ASTN2: variants seen among roughly 807,000 people sequenced by gnomAD.
ASTN2 encodes astrotactin-2.
A neutral mutation model predicts 139.8 loss-of-function variants in ASTN2; 54 were observed. The ratio of observed to expected loss-of-function variants is 0.39; its 90% CI spans 0.31 to 0.48. The LOEUF is 0.48. ASTN2 is among the 20% of genes least tolerant of loss of function. ASTN2 has a pLI of 0.95. For synonymous variants in ASTN2, 756 were observed against 719.5 expected (o/e 1.05, Z -0.81); for missense variants, 1,565 against 1,725.1 (o/e 0.91, Z 1.64).
chr9:117,311,809 T>C (rs539435823), intron 1 of ASTN2, among the ~76,000 whole-genome samples: 2 of 152,304 alleles, frequency 1.3e-5, no homozygotes, highest in Admixed American at 1.3e-4. Context: ...CCACAGTAGA[T>C]GCTCATGAAT....
intron 2 of ASTN2, among the ~76,000 whole-genome samples, chr9:117,242,354 GA>G (rs1833240806): frequency 6.6e-6 from 1 of 151,968 alleles, no homozygotes. Context: ...GGATATAATT[GA>G]GTTTCTCCCT....
chr9:117,298,745 T>TAC (rs1834804332), intron 1 of ASTN2, among the ~76,000 whole-genome samples: 3 of 149,138 alleles, frequency 2.0e-5, no homozygotes, highest in African/African-American at 7.4e-5. Flanking sequence ...TATATATATA[T>TAC]CTTAAAATAG....
In ASTN2 at chr9:117,414,456, G is replaced by A. The variant is rs1564192103; in HGVS notation, c.442+41C>T. ...CCGTCCGGCATGACGCAGGGGCTCG[G>A]GGTTCCTTGGGATCTAGCGCGTGCC... On this transcript the variant is annotated intron_variant, in intron 1 of 22. Coordinates refer to ENST00000313400, the MANE Select transcript of ASTN2 (RefSeq NM_001365068.1). The surrounding 1 kb of genome is among the most constrained non-coding windows in gnomAD (Gnocchi z 4.2). The A allele has an allele frequency of 6.2e-7, 1 of 1,601,816 alleles. No homozygotes were observed. Among genetic ancestry groups the A allele is most frequent in the East Asian group, 2.3e-5 (1 of 43,496 alleles).
At chr9:116,607,429 T>C (rs901147700) in intron 19 of ASTN2, among the ~76,000 whole-genome samples, 1 of 152,130 alleles carries the variant, frequency 6.6e-6, no homozygotes, top group African/African-American at 2.4e-5. Context: ...GACAGAAGCA[T>C]GTATGTCACT....
At chr9:116,483,189 C>T (rs1480039717) in intron 20 of ASTN2, among the ~76,000 whole-genome samples, 2 of 152,250 alleles carry the variant, frequency 1.3e-5, no homozygotes, top group African/African-American at 4.8e-5. Flanking sequence ...GCCCTGCTGT[C>T]AGACCTTCCT....
intron 3 of ASTN2, among the ~76,000 whole-genome samples, chr9:117,168,107 T>C (rs1830710909): frequency 1.3e-5 from 2 of 152,056 alleles, no homozygotes; most frequent in African/African-American, 2.4e-5. Flanking sequence ...CTTTCTCCAT[T>C]GCAGAGTTGC....
chr9:116,669,410 T>G (rs2131982702), intron 16 of ASTN2, among the ~76,000 whole-genome samples: 1 of 152,172 alleles, frequency 6.6e-6, no homozygotes, highest in South Asian at 2.1e-4. Context: ...AACAAAACAG[T>G]ACATTTAGGT....
chr9:116,540,742 G>A (rs1027676509), intron 19 of ASTN2: 4 of 152,184 alleles, frequency 2.6e-5, no homozygotes, highest in Non-Finnish European at 5.9e-5. Context: ...TCCAACAGGT[G>A]AATTTAGTGG....
At chr9:117,190,072 A>T (rs1171919989) in intron 3 of ASTN2, among the ~76,000 whole-genome samples, 1 of 151,942 alleles carries the variant, frequency 6.6e-6, no homozygotes, top group African/African-American at 2.4e-5. Context: ...GGAAGGAGGG[A>T]GAATTTAGGT....
intron 19 of ASTN2, among the ~76,000 whole-genome samples, chr9:116,574,353 G>T (rs1465337559): frequency 6.6e-6 from 1 of 152,160 alleles, no homozygotes; most frequent in Non-Finnish European, 1.5e-5. Flanking sequence ...TTGGCTACAG[G>T]AATCACTTTT....
intron 19 of ASTN2, among the ~76,000 whole-genome samples, chr9:116,615,814 T>G (rs889261224): frequency 1.3e-5 from 2 of 151,978 alleles, no homozygotes; most frequent in Non-Finnish European, 2.9e-5. Flanking sequence ...ACATGGCACA[T>G]GTATACATAT....
At chr9:117,182,825 G>C (rs1012593070) in intron 3 of ASTN2, among the ~76,000 whole-genome samples, 2 of 151,994 alleles carry the variant, frequency 1.3e-5, no homozygotes, top group Non-Finnish European at 2.9e-5. Flanking sequence ...CTTCCTCACT[G>C]TGTTTGAGCC....
At chr9:116,892,137 T>C (rs1833776895) in intron 10 of ASTN2, among the ~76,000 whole-genome samples, 2 of 152,232 alleles carry the variant, frequency 1.3e-5, no homozygotes, top group African/African-American at 4.8e-5. Context: ...TTTACTACTT[T>C]AGTAATAGTG....
chr9:116,581,100 T>C (rs570927284), intron 19 of ASTN2, among the ~76,000 whole-genome samples: 55 of 152,202 alleles, frequency 3.6e-4, no homozygotes, highest in Non-Finnish European at 6.3e-4. Context: ...GAGTTTCAAG[T>C]TCTGGTTGAC....
intron 19 of ASTN2, among the ~76,000 whole-genome samples, chr9:116,527,447 G>A (rs1473208425): frequency 2.0e-5 from 3 of 152,102 alleles, no homozygotes. Flanking sequence ...CTAACCACCA[G>A]ATAAATGAAA....
intron 2 of ASTN2, among the ~76,000 whole-genome samples, chr9:117,240,072 T>C (rs191663159): frequency 6.6e-6 from 1 of 152,326 alleles, no homozygotes; most frequent in African/African-American, 2.4e-5. Context: ...AATTTAGAAG[T>C]CAACCATAGT....
At chr9:116,717,167 T>A (rs952557063) in intron 16 of ASTN2, among the ~76,000 whole-genome samples, 1 of 152,230 alleles carries the variant, frequency 6.6e-6, no homozygotes, top group Admixed American at 6.5e-5. Flanking sequence ...TGAAATAATG[T>A]ATGTGAAAGT....
At chr9:116,706,774 T>C (rs1293897809) in intron 16 of ASTN2, among the ~76,000 whole-genome samples, 1 of 148,072 alleles carries the variant, frequency 6.8e-6, no homozygotes, top group African/African-American at 2.5e-5. Context: ...TTTTTTTTTT[T>C]TTTTTTTTTT....
At chr9:116,738,141 G>A (rs1229108059) in intron 13 of ASTN2, among the ~76,000 whole-genome samples, 7 of 148,982 alleles carry the variant, frequency 4.7e-5, no homozygotes, top group African/African-American at 1.2e-4. Flanking sequence ...GCAGTGAGCC[G>A]AGATCGCGCC....
Sources: allele counts gnomAD v4.1 joint callset (sites outside exome capture counted in the v4.1 genomes callset), GRCh38; gene constraint gnomAD v4.1.1; non-coding constraint Gnocchi (gnomAD v3.1); transcripts MANE v1.5; gene names NCBI Gene and HGNC (gene_info 2026-07-23, HGNC 2026-07-21).